TBC1D5: variants seen among roughly 807,000 people sequenced by gnomAD.
The protein encoded by TBC1D5 is TBC1 domain family, member 5.
Under a neutral mutation model 100.3 loss-of-function variants are expected in TBC1D5, and 75 were observed. The observed-to-expected ratio is 0.75, with a 90% confidence interval of 0.62 to 0.91. The LOEUF is 0.91. Among genes scored for constraint, TBC1D5 ranks in the 40% least tolerant of loss-of-function variants. The probability of loss-of-function intolerance (pLI) is 0.00; values close to 1 mark genes in which losing one functional copy is unlikely to be tolerated. For synonymous variants in TBC1D5, 323 were observed against 325.6 expected, an observed-to-expected ratio of 0.99 and a Z score of 0.09; for missense variants, 910 against 942.4, an observed-to-expected ratio of 0.97 and a Z score of 0.45.
chr3:17,714,520 A>T (rs2153946417), intron 1 of TBC1D5, among the ~76,000 whole-genome samples: 1 of 152,330 alleles, frequency 6.6e-6, no homozygotes. Context: ...ACTGGGAGAG[A>T]CATTCTTCTT....
chr3:17,642,463 C>G (rs966567856), intron 1 of TBC1D5, among the ~76,000 whole-genome samples: 1 of 152,092 alleles, frequency 6.6e-6, no homozygotes, highest in Non-Finnish European at 1.5e-5. Context: ...GAGTCAGTAT[C>G]CGTCAGAACT....
At chr3:17,191,625 TA>T (rs1213123796) in intron 18 of TBC1D5, among the ~76,000 whole-genome samples, 6 of 152,166 alleles carry the variant, frequency 3.9e-5, no homozygotes, top group African/African-American at 1.4e-4. Context: ...ATTTTTTATT[TA>T]TTTTTTTTGA....
chr3:17,446,888 G>A (rs532631037), intron 3 of TBC1D5, among the ~76,000 whole-genome samples: 4 of 151,864 alleles, frequency 2.6e-5, no homozygotes, highest in African/African-American at 9.7e-5. Context: ...GGAGAATGGC[G>A]TGAACCTGGG....
At chr3:17,669,378 T>C (rs970607072) in intron 1 of TBC1D5, among the ~76,000 whole-genome samples, 9 of 152,258 alleles carry the variant, frequency 5.9e-5, no homozygotes, top group African/African-American at 1.9e-4. Flanking sequence ...ACAAAGAAGA[T>C]AATAATCATT....
intron 1 of TBC1D5, among the ~76,000 whole-genome samples, chr3:17,735,126 G>A (rs1265356784): frequency 1.3e-5 from 2 of 152,040 alleles, no homozygotes; most frequent in African/African-American, 4.8e-5. Flanking sequence ...ATAAAGATGA[G>A]AAAATCTTTT....
chr3:17,199,445 T>C (rs995537218), intron 18 of TBC1D5, among the ~76,000 whole-genome samples: 5 of 152,242 alleles, frequency 3.3e-5, no homozygotes, highest in Non-Finnish European at 5.9e-5. Flanking sequence ...AAAACATTAT[T>C]CTTGATATTT....
intron 3 of TBC1D5, among the ~76,000 whole-genome samples, chr3:17,448,951 G>A (rs1330674207): frequency 6.6e-6 from 1 of 152,192 alleles, no homozygotes; most frequent in African/African-American, 2.4e-5. Flanking sequence ...TTATTCATGG[G>A]ATCTGGCAAG....
intron 3 of TBC1D5, among the ~76,000 whole-genome samples, chr3:17,472,418 C>T (rs982592525): frequency 6.6e-6 from 1 of 152,042 alleles, no homozygotes; most frequent in Admixed American, 6.6e-5. Context: ...AGTCACTGCG[C>T]CCAGCCCAAA....
intron 13 of TBC1D5, among the ~76,000 whole-genome samples, chr3:17,369,556 C>T (rs1431442405): frequency 6.6e-6 from 1 of 152,086 alleles, no homozygotes; most frequent in Non-Finnish European, 1.5e-5. Context: ...TGCTATGTTG[C>T]CCAGGATGGA....
intron 2 of TBC1D5, among the ~76,000 whole-genome samples, chr3:17,528,899 C>A (rs185114966): frequency 6.6e-6 from 1 of 152,304 alleles, no homozygotes; most frequent in East Asian, 1.9e-4. Context: ...GTCTATATGT[C>A]TTTTAGTCTC....
intron 2 of TBC1D5, among the ~76,000 whole-genome samples, chr3:17,572,169 T>G (rs2096631288): frequency 6.6e-6 from 1 of 151,784 alleles, no homozygotes; most frequent in African/African-American, 2.4e-5. Context: ...ATTCCTGCTC[T>G]CTCTCTCTCT....
intron 13 of TBC1D5, among the ~76,000 whole-genome samples, chr3:17,348,722 A>G (rs2090210322): frequency 6.6e-6 from 1 of 152,178 alleles, no homozygotes; most frequent in South Asian, 2.1e-4. Context: ...TGTGGAGTAT[A>G]TGACCCATTC....
chr3:17,430,642 G>A (rs181228733), intron 3 of TBC1D5, among the ~76,000 whole-genome samples: 16 of 151,902 alleles, frequency 1.1e-4, no homozygotes, highest in Admixed American at 6.6e-4. Context: ...GTTTTGAAGC[G>A]GGAAAAACGC....
intron 1 of TBC1D5, among the ~76,000 whole-genome samples, chr3:17,686,919 GA>G (rs2070369667): frequency 6.6e-6 from 1 of 152,064 alleles, no homozygotes; most frequent in Non-Finnish European, 1.5e-5. Flanking sequence ...TGTTAGTAGT[GA>G]TGAGGGTAGG....
intron 2 of TBC1D5, among the ~76,000 whole-genome samples, chr3:17,524,894 G>T (rs2096112054): frequency 6.6e-6 from 1 of 150,920 alleles, no homozygotes; most frequent in Non-Finnish European, 1.5e-5. Flanking sequence ...ATACATAAAG[G>T]TAATCTAGAA....
chr3:17,518,972 C>T (rs1319554854), intron 2 of TBC1D5: 1 of 152,338 alleles, frequency 6.6e-6, no homozygotes, highest in Non-Finnish European at 1.5e-5. Context: ...CCAGTTTCCA[C>T]CTCGTTTGCT....
At chr3:17,475,106 G>C (rs1426609288) in intron 3 of TBC1D5, among the ~76,000 whole-genome samples, 1 of 151,700 alleles carries the variant, frequency 6.6e-6, no homozygotes, top group African/African-American at 2.4e-5. Flanking sequence ...TGAATTTTTG[G>C]ATATTAAAGA....
chr3:17,617,449 T>G (rs374136868), intron 2 of TBC1D5, among the ~76,000 whole-genome samples: 2 of 152,244 alleles, frequency 1.3e-5, no homozygotes, highest in African/African-American at 4.8e-5. Flanking sequence ...CCTGCCTTGC[T>G]AGGTTGGGGA....
chr3:17,192,947 T>G (rs1329579217), intron 18 of TBC1D5, among the ~76,000 whole-genome samples: 1 of 152,250 alleles, frequency 6.6e-6, no homozygotes, highest in Non-Finnish European at 1.5e-5. Flanking sequence ...CACATCCTCC[T>G]GTACTAGCAG....
Sources: gnomAD v4.1 joint callset for allele counts (sites outside exome capture counted in the v4.1 genomes callset) on GRCh38, gnomAD v4.1.1 for gene constraint, MANE v1.5 for transcripts, NCBI Gene and HGNC (gene_info 2026-07-23, HGNC 2026-07-21) for gene names.